The following GALNT13 variants were observed in gnomAD, a reference collection of about 807,000 sequenced individuals.
GALNT13 encodes UDP-GalNAc:polypeptide N-acetylgalactosaminyltransferase 13.
Under a neutral mutation model 64.2 loss-of-function variants are expected in GALNT13, and 28 were observed. The ratio of observed to expected loss-of-function variants is 0.44; its 90% CI spans 0.32 to 0.60. The LOEUF (loss-of-function observed/expected upper bound fraction) is 0.60, where lower values mean the gene tolerates loss of function less well. GALNT13 is among the 20% of genes least tolerant of loss of function. The probability of loss-of-function intolerance (pLI) is 0.05; values close to 1 mark genes in which losing one functional copy is unlikely to be tolerated. For synonymous variants in GALNT13, 214 were observed against 224.6 expected (o/e 0.95, Z 0.42); for missense variants, 577 against 669.8 (o/e 0.86, Z 1.53).
At chr2:153,754,584 C>T in the GALNT13 span, among the ~76,000 whole-genome samples, 188 of 152,214 alleles carry the variant, frequency 1.2e-3, 2 homozygotes, top group African/African-American at 4.1e-3. Flanking sequence ...CCACTCTTCC[C>T]GCTGCTCTGC....
intron 4 of GALNT13, among the ~76,000 whole-genome samples, chr2:154,193,710 CA>C (rs1220666763): frequency 2.0e-5 from 3 of 152,132 alleles, no homozygotes; most frequent in African/African-American, 7.2e-5. Context: ...GAGTGAATGT[CA>C]AAAGTTTACT....
At chr2:154,351,845 C>G (rs941707339) in intron 9 of GALNT13, among the ~76,000 whole-genome samples, 2 of 150,570 alleles carry the variant, frequency 1.3e-5, no homozygotes, top group Non-Finnish European at 2.9e-5. Flanking sequence ...ATCAATAAAA[C>G]AAGTAGTTTT....
At chr2:153,710,004 T>C in the GALNT13 span, among the ~76,000 whole-genome samples, 1 of 152,048 alleles carries the variant, frequency 6.6e-6, no homozygotes, top group Non-Finnish European at 1.5e-5. Flanking sequence ...GTGGAAATGA[T>C]GGTCATAGGG....
At chr2:154,365,334 A>G (rs1559115328) in intron 9 of GALNT13, among the ~76,000 whole-genome samples, 1 of 152,188 alleles carries the variant, frequency 6.6e-6, no homozygotes, top group African/African-American at 2.4e-5. Context: ...ATACCCTTCA[A>G]TTTAAACCAG....
intron 3 of GALNT13, among the ~76,000 whole-genome samples, chr2:153,958,569 C>G (rs1478093700): frequency 6.6e-6 from 1 of 152,122 alleles, no homozygotes; most frequent in Non-Finnish European, 1.5e-5. Flanking sequence ...AAAACATACC[C>G]CAGTGGTGGG....
chr2:154,009,120 A>G (rs2105241942), intron 3 of GALNT13, among the ~76,000 whole-genome samples: 1 of 151,652 alleles, frequency 6.6e-6, no homozygotes, highest in East Asian at 1.9e-4. Context: ...GTGGCTAGCC[A>G]GTTATCCCAG....
chr2:153,637,552 AAG>A, the GALNT13 span, among the ~76,000 whole-genome samples: 1 of 152,190 alleles, frequency 6.6e-6, no homozygotes, highest in African/African-American at 2.4e-5. Context: ...TGTTTTCAAA[AAG>A]AGAACACAGG....
At chr2:154,026,133 G>C (rs550979759) in intron 3 of GALNT13, among the ~76,000 whole-genome samples, 55 of 152,268 alleles carry the variant, frequency 3.6e-4, no homozygotes, top group African/African-American at 1.2e-3. Flanking sequence ...AAAACTTAAA[G>C]TGGGAAAGTT....
At chr2:154,088,178 A>C (rs10175190) in intron 3 of GALNT13, among the ~76,000 whole-genome samples, 54,580 of 151,890 alleles carry the variant, frequency 0.36, 10,191 homozygotes, top group Non-Finnish European at 0.41. Flanking sequence ...TTGCATCTCT[A>C]ATTGATTTTG....
chr2:153,198,104 G>A, the GALNT13 span, among the ~76,000 whole-genome samples: 1 of 152,166 alleles, frequency 6.6e-6, no homozygotes, highest in South Asian at 2.1e-4. Context: ...AGGGCTCTTA[G>A]TGAGCCTCCA....
At chr2:153,876,988 T>G (rs1467057569) in intron 1 of GALNT13, among the ~76,000 whole-genome samples, 1 of 152,010 alleles carries the variant, frequency 6.6e-6, no homozygotes. Context: ...TACCTACCCT[T>G]CAGAAATGAA....
At chr2:153,112,327 G>C in the GALNT13 span, among the ~76,000 whole-genome samples, 3 of 152,078 alleles carry the variant, frequency 2.0e-5, no homozygotes, top group Non-Finnish European at 2.9e-5. Context: ...CATTAGCTGT[G>C]GATGGAGTGG....
At chr2:153,615,782 T>A in the GALNT13 span, among the ~76,000 whole-genome samples, 1 of 152,014 alleles carries the variant, frequency 6.6e-6, no homozygotes, top group Non-Finnish European at 1.5e-5. Flanking sequence ...AAAAATCAGA[T>A]TATTAGATTT....
chr2:153,649,907 G>A, the GALNT13 span, among the ~76,000 whole-genome samples: 3 of 152,232 alleles, frequency 2.0e-5, no homozygotes, highest in Admixed American at 6.5e-5. Context: ...TTTTGGAATA[G>A]GTGTGGTGTA....
chr2:153,468,557 A>G, the GALNT13 span, among the ~76,000 whole-genome samples: 2 of 151,994 alleles, frequency 1.3e-5, no homozygotes, highest in Admixed American at 6.6e-5. Flanking sequence ...ATACTTTTCA[A>G]TTTTCAAGTT....
chr2:153,850,487 A>C, the GALNT13 span, among the ~76,000 whole-genome samples: 2 of 152,234 alleles, frequency 1.3e-5, no homozygotes, highest in Admixed American at 6.5e-5. Flanking sequence ...AAGTTTTCAG[A>C]ACTCAAAAGG....
chr2:153,172,153 T>C, the GALNT13 span: 3 of 152,308 alleles, frequency 2.0e-5, no homozygotes, highest in Admixed American at 2.0e-4. Flanking sequence ...AAGCAGCACA[T>C]CTCTTGTACC....
chr2:153,589,768 A>G, the GALNT13 span, among the ~76,000 whole-genome samples: 1 of 152,212 alleles, frequency 6.6e-6, no homozygotes, highest in African/African-American at 2.4e-5. Flanking sequence ...CTTATTCACT[A>G]TCACGAGAAC....
At chr2:153,570,774 T>C in the GALNT13 span, among the ~76,000 whole-genome samples, 2 of 152,176 alleles carry the variant, frequency 1.3e-5, no homozygotes, top group East Asian at 1.9e-4. Flanking sequence ...TGTAGATATG[T>C]GGATTTGTTT....
Sources: gnomAD v4.1 joint callset for allele counts (sites outside exome capture counted in the v4.1 genomes callset) on GRCh38, gnomAD v4.1.1 for gene constraint, MANE v1.5 for transcripts, NCBI Gene and HGNC (gene_info 2026-07-23, HGNC 2026-07-21) for gene names.